Variants in LRRTM4 observed in about 807,000 individuals in gnomAD.
LRRTM4 encodes the protein leucine rich repeat transmembrane neuronal 4.
LRRTM4 carries 25 observed loss-of-function variants against 47.6 expected under a neutral mutation model. The ratio of observed to expected loss-of-function variants is 0.53; its 90% CI spans 0.38 to 0.73. The LOEUF (loss-of-function observed/expected upper bound fraction) is 0.73. Among genes scored for constraint, LRRTM4 ranks in the 30% least tolerant of loss-of-function variants. The probability of loss-of-function intolerance (pLI) is 0.00; values close to 1 mark genes in which losing one functional copy is unlikely to be tolerated. For synonymous variants in LRRTM4, 311 were observed against 269.5 expected (o/e 1.15, Z -1.51); for missense variants, 638 against 713.4 (o/e 0.89, Z 1.20).
Position 77,508,627 on chromosome 2 carries a change from C to G in LRRTM4, c.1551+9691G>C, listed in dbSNP as rs139424851. Among the ~76,000 whole-genome samples, 4 of 152,088 alleles carry G rather than the reference C, an allele frequency of 2.6e-5. No individual in the cohort carries two copies. In the East Asian group the frequency reaches 7.7e-4, roughly 29 times the overall value. ...CTCATTTCATAGTACGCAATCATAT[C>G]ATGAGAAATATTCCATTGAAAAACT... On this transcript the variant is annotated intron_variant, in intron 3 of 3. Coordinates refer to ENST00000409884, the MANE Select transcript of LRRTM4 (RefSeq NM_001134745.3).
chr2:77,377,784 T>C (rs1407828168), intron 3 of LRRTM4, among the ~76,000 whole-genome samples: 1 of 152,060 alleles, frequency 6.6e-6, no homozygotes, highest in Non-Finnish European at 1.5e-5. Context: ...GAATAGATTT[T>C]GTAATACTAA....
chr2:76,952,315 A>G (rs1355298512), intron 3 of LRRTM4, among the ~76,000 whole-genome samples: 1 of 152,042 alleles, frequency 6.6e-6, no homozygotes, highest in East Asian at 1.9e-4. Flanking sequence ...AAGCTATAAT[A>G]TCCAGAACCT....
intron 3 of LRRTM4, among the ~76,000 whole-genome samples, chr2:77,087,806 ATAT>A (rs1446750275): frequency 1.3e-5 from 2 of 152,228 alleles, no homozygotes; most frequent in Admixed American, 6.5e-5. Context: ...CTAAAGAAAA[ATAT>A]TATTTAAGAA....
intron 3 of LRRTM4, among the ~76,000 whole-genome samples, chr2:76,975,781 T>C (rs1046943187): frequency 6.6e-6 from 1 of 151,768 alleles, no homozygotes; most frequent in Non-Finnish European, 1.5e-5. Flanking sequence ...TCTGGCCACA[T>C]TTACAGGAAA....
chr2:76,927,539 A>C (rs532361210), intron 3 of LRRTM4, among the ~76,000 whole-genome samples: 5 of 152,226 alleles, frequency 3.3e-5, no homozygotes, highest in African/African-American at 1.2e-4. Flanking sequence ...TGCCTTTCCT[A>C]TTGTTAGTTT....
At chr2:77,125,075 A>C (rs1003029863) in intron 3 of LRRTM4, among the ~76,000 whole-genome samples, 5 of 152,194 alleles carry the variant, frequency 3.3e-5, no homozygotes, top group Non-Finnish European at 5.9e-5. Flanking sequence ...ATTGAGATGG[A>C]AAACTGATTG....
chr2:76,774,351 C>T (rs1285287306), intron 3 of LRRTM4, among the ~76,000 whole-genome samples: 1 of 148,512 alleles, frequency 6.7e-6, no homozygotes, highest in East Asian at 2.0e-4. Flanking sequence ...GCCACCACTC[C>T]CAGATAATTT....
At chr2:77,355,754 C>G (rs1671943183) in intron 3 of LRRTM4, among the ~76,000 whole-genome samples, 1 of 152,156 alleles carries the variant, frequency 6.6e-6, no homozygotes, top group Admixed American at 6.5e-5. Flanking sequence ...TGGTGCAGTG[C>G]AGTGGAACAT....
Position 77,348,330 on chromosome 2 carries a change from T to C in LRRTM4, c.1551+169988A>G, listed in dbSNP as rs963951233. 4.6e-5 allele frequency among the ~76,000 whole-genome samples: 7 copies of C among 151,854 alleles called. No homozygotes were observed. The South Asian group carries it at 1.2e-3, about 27-fold the overall frequency. On this transcript the variant is annotated intron_variant, in intron 3 of 3. Transcript: ENST00000409884. ...ATACAACAAAATTAAAAAGAAATTT[T>C]AAAAAAGGAAATTTTCTTTTTAATT...
At chr2:77,145,354 C>T (rs897995894) in intron 3 of LRRTM4, among the ~76,000 whole-genome samples, 1 of 151,338 alleles carries the variant, frequency 6.6e-6, no homozygotes, top group Admixed American at 6.6e-5. Context: ...TTTATTTTTT[C>T]ATCGTATATA....
intron 3 of LRRTM4, among the ~76,000 whole-genome samples, chr2:76,764,428 G>A (rs1257099242): frequency 2.0e-5 from 3 of 152,082 alleles, no homozygotes; most frequent in African/African-American, 7.2e-5. Context: ...TCAGGAGATC[G>A]AGACCATCCT....
intron 3 of LRRTM4, among the ~76,000 whole-genome samples, chr2:76,898,129 T>G (rs1166691493): frequency 6.6e-6 from 1 of 152,168 alleles, no homozygotes; most frequent in African/African-American, 2.4e-5. Context: ...CATCTTGTTA[T>G]ACCCTTGTTT....
At chr2:77,220,041 G>A (rs1406019683) in intron 3 of LRRTM4, among the ~76,000 whole-genome samples, 1 of 152,126 alleles carries the variant, frequency 6.6e-6, no homozygotes, top group Non-Finnish European at 1.5e-5. Flanking sequence ...CAGCATTTGT[G>A]GTTCACCAAT....
At chr2:76,818,210 C>T (rs2103848771) in intron 3 of LRRTM4, among the ~76,000 whole-genome samples, 1 of 151,910 alleles carries the variant, frequency 6.6e-6, no homozygotes, top group East Asian at 1.9e-4. Flanking sequence ...AGTAAATTGA[C>T]TATTGTTTAA....
In LRRTM4 at chr2:76,811,615, G is replaced by C. The variant is rs141722347; in HGVS notation, c.1552-62699C>G. On this transcript the variant is annotated intron_variant, in intron 3 of 3. Coordinates refer to ENST00000409884, the MANE Select transcript of LRRTM4 (RefSeq NM_001134745.3). ...CTGCCATGTACATGTCAGCAGGTGA[G>C]TGTGTTTATGTAAAATGCAAGGGTT... Among the ~76,000 whole-genome samples, 370 of 152,288 alleles carry C rather than the reference G, an allele frequency of 2.4e-3. 6 individuals carry two copies. Among genetic ancestry groups the C allele is most frequent in the African/African-American group, 8.6e-3 (356 of 41,554 alleles).
At chr2:77,411,390 CT>C (rs1674415622) in intron 3 of LRRTM4, among the ~76,000 whole-genome samples, 2 of 151,450 alleles carry the variant, frequency 1.3e-5, no homozygotes, top group East Asian at 1.9e-4. Context: ...TTCTTTCTCT[CT>C]TTCTTTCTTC....
intron 3 of LRRTM4, among the ~76,000 whole-genome samples, chr2:77,217,194 G>A (rs910968155): frequency 4.0e-5 from 6 of 150,906 alleles, no homozygotes; most frequent in Non-Finnish European, 7.4e-5. Context: ...TAACTTTGAT[G>A]TACAACTATT....
chr2:76,910,838 C>T (rs56231701), intron 3 of LRRTM4, among the ~76,000 whole-genome samples: 18,104 of 152,166 alleles, frequency 0.12, 1,335 homozygotes, highest in Non-Finnish European at 0.16. Flanking sequence ...TTGATTATGT[C>T]ATTAGAGCCT....
At chr2:76,818,518 C>A (rs1670965741) in intron 3 of LRRTM4, among the ~76,000 whole-genome samples, 1 of 151,818 alleles carries the variant, frequency 6.6e-6, no homozygotes, top group South Asian at 2.1e-4. Flanking sequence ...AACTATTACA[C>A]ATTGAAAGAA....
Sources: allele counts gnomAD v4.1 joint callset (sites outside exome capture counted in the v4.1 genomes callset), GRCh38; gene constraint gnomAD v4.1.1; transcripts MANE v1.5; gene names NCBI Gene and HGNC (gene_info 2026-07-23, HGNC 2026-07-21).